CCS: variants seen among roughly 807,000 people sequenced by gnomAD.
The protein encoded by CCS is copper chaperone for superoxide dismutase, also known as superoxide dismutase copper chaperone.
In CCS, 32 loss-of-function variants were observed where a neutral mutation model predicts 35.5. That is an observed-to-expected ratio of 0.90 (90% CI 0.68 to 1.21). CCS has a LOEUF of 1.21. CCS is among the 50% of genes most tolerant of loss of function. The probability of loss-of-function intolerance (pLI) is 0.00; values close to 1 mark genes in which losing one functional copy is unlikely to be tolerated. For missense variants in CCS, 342 were observed against 375.4 expected, an observed-to-expected ratio of 0.91 and a Z score of 0.73; for synonymous variants, 130 against 147.2, an observed-to-expected ratio of 0.88 and a Z score of 0.84.
chr11:66,596,111 A>T (rs985797049), intron 2 of CCS, among the ~76,000 whole-genome samples: 2 of 152,238 alleles, frequency 1.3e-5, no homozygotes, highest in African/African-American at 4.8e-5. Flanking sequence ...TCTGTTGCCC[A>T]GGCTGGAGTG....
intron 2 of CCS, among the ~76,000 whole-genome samples, chr11:66,597,912 C>T (rs1858506290): frequency 6.6e-6 from 1 of 151,720 alleles, no homozygotes; most frequent in Non-Finnish European, 1.5e-5. Flanking sequence ...CAAAGCGAGA[C>T]TCCATCTTGA....
At chr11:66,594,388 A>G (rs1233436468) in intron 2 of CCS, among the ~76,000 whole-genome samples, 1 of 152,004 alleles carries the variant, frequency 6.6e-6, no homozygotes, top group East Asian at 1.9e-4. Flanking sequence ...ATAAAAGGCC[A>G]GCTGGTCTGG....
At chr11:66,595,548 C>G (rs566813154) in intron 2 of CCS, among the ~76,000 whole-genome samples, 1 of 152,256 alleles carries the variant, frequency 6.6e-6, no homozygotes, top group Non-Finnish European at 1.5e-5. Context: ...TACACACACA[C>G]AGAGAAAGAG....
intron 5 of CCS, among the ~76,000 whole-genome samples, chr11:66,603,845 C>CAACAAAACAAAACAA (rs567060029): frequency 1.3e-5 from 2 of 151,614 alleles, no homozygotes; most frequent in South Asian, 2.1e-4. Flanking sequence ...GACTCCATCT[C>CAACAAAACAAAACAA]AACAAAACAA....
rs544314276 is a variant in CCS, at chr11:66,601,770, C to T, written c.489+1221C>T. Reference sequence around the variant, plus strand: ...TTTTTTGGTGGTAGAAATAGGGTGTCACTATGTTCCTCAGGCTGGTCTCAA... The same window carrying T: ...TTTTTTGGTGGTAGAAATAGGGTGTTACTATGTTCCTCAGGCTGGTCTCAA... On this transcript the variant is annotated intron_variant, in intron 5 of 7. Coordinates refer to ENST00000533244, the MANE Select transcript of CCS (RefSeq NM_005125.2). Among the ~76,000 whole-genome samples the T allele has an allele frequency of 4.8e-3, 728 of 152,036 alleles. 5 individuals carry two copies. The highest frequency in any genetic ancestry group is 0.017 in the African/African-American group (692 of 41,434).
Position 66,593,284 on chromosome 11 carries a change from A to G in CCS, c.23A>G (p.Gln8Arg). 6.4e-7 allele frequency: 1 copy of G among 1,557,616 alleles called. No homozygotes were observed. The highest frequency in any genetic ancestry group is 8.7e-7 in the Non-Finnish European group (1 of 1,151,602). Reference protein sequence around the residue: MASDSGNQGTLCTLEFAV... With the variant: MASDSGNRGTLCTLEFAV... ...AGAATGGCTTCGGATTCGGGGAACC[A>G]GGGGACCCTCTGCACGGTGAGGGTC... Residue 8 changes from glutamine to arginine, a missense_variant, in exon 1 of 8, where the codon CAG (glutamine) becomes CGG (arginine). Gln to Arg is a conservative substitution (Grantham distance 43). Coordinates refer to ENST00000533244, the MANE Select transcript of CCS (RefSeq NM_005125.2).
chr11:66,597,766 G>T (rs1442959996), intron 2 of CCS, among the ~76,000 whole-genome samples: 1 of 146,224 alleles, frequency 6.8e-6, no homozygotes, highest in African/African-American at 2.5e-5. Flanking sequence ...AAAAAAAAAA[G>T]ATATAATTCA....
At chr11:66,593,333 G>A (rs934764940) in intron 1 of CCS, 33 bp downstream of exon 1, 1 of 1,493,360 alleles carries the variant, frequency 6.7e-7, no homozygotes, top group Non-Finnish European at 8.9e-7. Context: ...GAGCCTCGCC[G>A]GGCAGAGAGC....
rs2134981408 is a variant in CCS, at chr11:66,598,997, C to T, written c.113-119C>T. ...GTTACACAGTTACGAAGTAGCTTGC[C>T]TCTGACCATGGGAAGTTTGGTGGAA... On this transcript the variant is annotated intron_variant, in intron 2 of 7. Coordinates refer to ENST00000533244, the MANE Select transcript of CCS (RefSeq NM_005125.2). The T allele has an allele frequency of 2.4e-6, 3 of 1,252,754 alleles. No individual in the cohort carries two copies. In the South Asian group the frequency reaches 3.8e-5, roughly 16 times the overall value. The allele number at this position is 1,252,754 out of a possible 1,614,324, so 77.6% of individuals were successfully genotyped here.
At chr11:66,601,863 T>G (rs1255636993) in intron 5 of CCS, among the ~76,000 whole-genome samples, 1 of 152,140 alleles carries the variant, frequency 6.6e-6, no homozygotes, top group Admixed American at 6.6e-5. Context: ...TGAGCCAGCA[T>G]GCCTGGCCTC....
At chr11:66,597,679 G>C (rs1858501095) in intron 2 of CCS, among the ~76,000 whole-genome samples, 1 of 151,734 alleles carries the variant, frequency 6.6e-6, no homozygotes, top group Non-Finnish European at 1.5e-5. Context: ...GTGAACCCAG[G>C]AGGTGAAGCT....
intron 2 of CCS, among the ~76,000 whole-genome samples, chr11:66,596,600 T>A (rs560736864): frequency 6.6e-6 from 1 of 152,088 alleles, no homozygotes; most frequent in East Asian, 1.9e-4. Context: ...CAGGATGGTC[T>A]CGATCTCCTG....
chr11:66,605,601 T>C lies in CCS; in HGVS notation c.671+9T>C. On this transcript the variant is annotated intron_variant, in intron 7 of 7. Transcript: ENST00000533244. ...GGGAACTCCGGGGAGAGGTGAGTGG[T>C]GTCGGCCCCTGTAGGAGGCTGTGCT... 1 of 1,611,074 alleles carries C rather than the reference T, an allele frequency of 6.2e-7. No homozygotes were observed. The highest frequency in any genetic ancestry group is 8.5e-7 in the Non-Finnish European group (1 of 1,178,390).
At position 66,599,230 on chromosome 11, in the gene CCS, A is replaced by G; in HGVS notation, c.227A>G (p.Lys76Arg). Residue 76 changes from lysine (K) to arginine (R), a missense_variant, in exon 3 of 8, where the codon AAG becomes AGG. By Grantham distance (26) the Lys-to-Arg change is conservative. Coordinates refer to ENST00000533244, the MANE Select transcript of CCS (RefSeq NM_005125.2). The stretch of plus-strand genomic sequence containing the variant: ...GGCACGGGGCGGCAGGCGGTACTCA[A>G]GGGCATGGGCAGCGGCCAGTTGCGT... ...LEGTGRQAVL[K>R]GMGSGQLQNL... is the part of the protein sequence containing the mutation. 1.9e-6 allele frequency: 3 copies of G among 1,611,164 alleles called. No individual in the cohort carries two copies. Among genetic ancestry groups the G allele is most frequent in the Non-Finnish European group, 2.5e-6 (3 of 1,178,666 alleles).
intron 5 of CCS, among the ~76,000 whole-genome samples, chr11:66,601,192 A>G (rs930377497): frequency 2.0e-4 from 30 of 152,158 alleles, no homozygotes; most frequent in Admixed American, 4.6e-4. Context: ...TCCCAAGTTC[A>G]AACGATTCTC....
In CCS at chr11:66,605,736, CT is replaced by C; in HGVS notation, c.710del (p.Phe237SerfsTer?). On this transcript the variant is annotated frameshift_variant, in exon 8 of 8. Transcript: ENST00000533244. LOFTEE classifies it high-confidence loss of function. Reference sequence around the variant, plus strand: ...TGGCATCATTGCACGCTCCGCTGGCCTTTTCCAGAACCCCAAGCAGATCTGC... The same window carrying C: ...TGGCATCATTGCACGCTCCGCTGGCCTTTCCAGAACCCCAAGCAGATCTGC... ...ACGIIARSAGLFQNPKQICSC... is the reference protein window; with the variant it reads ...ACGIIARSAGXFQNPKQICSC... 2.5e-6 allele frequency: 4 copies of C among 1,602,058 alleles called. No homozygotes were observed. Among genetic ancestry groups the C allele is most frequent in the Non-Finnish European group, 2.6e-6 (3 of 1,173,830 alleles).
chr11:66,594,363 A>AAAT (rs780094255), intron 2 of CCS, among the ~76,000 whole-genome samples: 2 of 152,196 alleles, frequency 1.3e-5, no homozygotes, highest in Non-Finnish European at 2.9e-5. Flanking sequence ...CGTCTCAAAA[A>AAAT]AATAATAATA....
At chr11:66,602,634 G>A (rs997166031) in intron 5 of CCS, among the ~76,000 whole-genome samples, 1 of 151,946 alleles carries the variant, frequency 6.6e-6, no homozygotes, top group Non-Finnish European at 1.5e-5. Flanking sequence ...GAGGGTAAGA[G>A]TGGGATTGGC....
intron 2 of CCS, among the ~76,000 whole-genome samples, chr11:66,594,602 C>T (rs1858441374): frequency 6.6e-6 from 1 of 151,814 alleles, no homozygotes; most frequent in Admixed American, 6.6e-5. Flanking sequence ...ATGGCGAAAA[C>T]CCTCCTCTAT....
Sources: gnomAD v4.1 joint callset for allele counts (sites outside exome capture counted in the v4.1 genomes callset) on GRCh38, gnomAD v4.1.1 for gene constraint, MANE v1.5 for transcripts, NCBI Gene and HGNC (gene_info 2026-07-23, HGNC 2026-07-21) for gene names.